The following KLHL32 variants were observed in gnomAD, a reference collection of about 807,000 sequenced individuals.
The protein encoded by KLHL32 is kelch like family member 32.
KLHL32 carries 35 observed loss-of-function variants against 64.8 expected under a neutral mutation model. That is an observed-to-expected ratio of 0.54 (90% confidence interval 0.41 to 0.72). The LOEUF is 0.72. KLHL32 is among the 30% of genes least tolerant of loss of function. The probability of loss-of-function intolerance (pLI) is 0.00; values close to 1 mark genes in which losing one functional copy is unlikely to be tolerated. For missense variants in KLHL32, 589 were observed against 768.5 expected (o/e 0.77, Z 2.76); for synonymous variants, 259 against 281.0 (o/e 0.92, Z 0.78).
At chr6:96,997,467 G>A (rs534389408) in intron 3 of KLHL32, among the ~76,000 whole-genome samples, 2 of 152,094 alleles carry the variant, frequency 1.3e-5, no homozygotes, top group Admixed American at 6.5e-5. Flanking sequence ...CTTGAAGGTG[G>A]CCAGGCATGG....
At chr6:97,105,673 C>T (rs897775733) in intron 6 of KLHL32, among the ~76,000 whole-genome samples, 18 of 151,942 alleles carry the variant, frequency 1.2e-4, no homozygotes, top group African/African-American at 4.3e-4. Context: ...AGGCTATGAG[C>T]AAAAAGACCA....
chr6:97,034,063 G>A (rs1783955244), intron 3 of KLHL32, among the ~76,000 whole-genome samples: 1 of 151,928 alleles, frequency 6.6e-6, no homozygotes, highest in South Asian at 2.1e-4. Context: ...TGCTTTTGTT[G>A]CCAGTAGTTT....
intron 3 of KLHL32, among the ~76,000 whole-genome samples, chr6:96,994,151 G>A (rs2128068557): frequency 6.6e-6 from 1 of 152,266 alleles, no homozygotes; most frequent in East Asian, 1.9e-4. Context: ...AGAAACTCAT[G>A]GAGAATTGTC....
chr6:96,967,919 A>G (rs1774646254), intron 2 of KLHL32, among the ~76,000 whole-genome samples: 1 of 152,192 alleles, frequency 6.6e-6, no homozygotes, highest in Non-Finnish European at 1.5e-5. Context: ...GAGAAAATGC[A>G]TGGCATTCAT....
chr6:97,132,851 C>A, intron 10 of KLHL32, 104 bp downstream of exon 10: 2 of 758,480 alleles, frequency 2.6e-6, no homozygotes, highest in Non-Finnish European at 4.2e-6. Flanking sequence ...TAGAAAGAGG[C>A]TTAACGTCCC....
At chr6:97,134,877 C>T (rs577902677) in intron 10 of KLHL32, among the ~76,000 whole-genome samples, 8 of 152,234 alleles carry the variant, frequency 5.3e-5, no homozygotes, top group East Asian at 1.9e-4. Flanking sequence ...ACTTCGTAGT[C>T]GCATCATTTG....
chr6:97,088,034 T>C (rs905906585), intron 6 of KLHL32, among the ~76,000 whole-genome samples: 4 of 152,156 alleles, frequency 2.6e-5, no homozygotes, highest in African/African-American at 9.7e-5. Context: ...TCTGAGTCTC[T>C]TCTCTCACAG....
chr6:97,063,435 G>A (rs758314653), intron 4 of KLHL32, among the ~76,000 whole-genome samples: 1 of 152,198 alleles, frequency 6.6e-6, no homozygotes, highest in Non-Finnish European at 1.5e-5. Context: ...GGCAGAAGGG[G>A]TTGGGATCAA....
At chr6:97,075,791 A>T (rs1791509639) in intron 5 of KLHL32, among the ~76,000 whole-genome samples, 1 of 152,188 alleles carries the variant, frequency 6.6e-6, no homozygotes, top group Non-Finnish European at 1.5e-5. Flanking sequence ...TGGAATCACA[A>T]CTGGGTATGG....
chr6:97,102,649 A>C (rs1445093965), intron 6 of KLHL32, among the ~76,000 whole-genome samples: 1 of 152,168 alleles, frequency 6.6e-6, no homozygotes, highest in Non-Finnish European at 1.5e-5. Flanking sequence ...AAACCACTGA[A>C]GGGAAATTAT....
the KLHL32 span, among the ~76,000 whole-genome samples, chr6:96,918,808 T>C: frequency 6.6e-6 from 1 of 152,188 alleles, no homozygotes; most frequent in Non-Finnish European, 1.5e-5. Flanking sequence ...CCACTGGAAA[T>C]GTGTTTTGAA....
At chr6:97,036,448 A>G (rs1248081355) in intron 3 of KLHL32, among the ~76,000 whole-genome samples, 2 of 152,122 alleles carry the variant, frequency 1.3e-5, no homozygotes, top group Admixed American at 6.6e-5. Flanking sequence ...GTAGCCTTGC[A>G]TTGGTGTCTG....
intron 6 of KLHL32, among the ~76,000 whole-genome samples, chr6:97,092,501 A>G (rs1023478180): frequency 3.3e-5 from 5 of 152,156 alleles, no homozygotes; most frequent in African/African-American, 7.2e-5. Context: ...GTTTTTTTCT[A>G]CAAATGTGAT....
At chr6:96,993,802 C>A (rs1394902933) in intron 3 of KLHL32, among the ~76,000 whole-genome samples, 2 of 152,108 alleles carry the variant, frequency 1.3e-5, no homozygotes, top group African/African-American at 4.8e-5. Context: ...CTTTTCTGAG[C>A]CCCAATTCCC....
At chr6:96,939,383 T>C (rs1387490906) in intron 1 of KLHL32, among the ~76,000 whole-genome samples, 1 of 152,228 alleles carries the variant, frequency 6.6e-6, no homozygotes, top group African/African-American at 2.4e-5. Flanking sequence ...TTGTCATCTC[T>C]GAGCTGACAC....
intron 8 of KLHL32, among the ~76,000 whole-genome samples, chr6:97,127,838 A>G (rs1003668494): frequency 2.0e-5 from 3 of 152,222 alleles, no homozygotes; most frequent in Non-Finnish European, 4.4e-5. Flanking sequence ...CTAAAACAGT[A>G]TCTAGGACAA....
intron 5 of KLHL32, among the ~76,000 whole-genome samples, chr6:97,084,173 A>T (rs1324653105): frequency 2.6e-5 from 4 of 152,254 alleles, no homozygotes; most frequent in African/African-American, 9.6e-5. Flanking sequence ...TGATAGCATT[A>T]TACATTCCTC....
intron 1 of KLHL32, among the ~76,000 whole-genome samples, chr6:96,954,986 C>T (rs1045825732): frequency 3.3e-5 from 5 of 152,170 alleles, no homozygotes; most frequent in African/African-American, 1.2e-4. Context: ...AAGATGCTGC[C>T]AGATTCAATG....
chr6:97,130,968 G>A lies in KLHL32; in HGVS notation c.1606+19G>A, dbSNP rs1475674670. On this transcript the variant is annotated intron_variant, in intron 9 of 10. Coordinates refer to ENST00000369261, the MANE Select transcript of KLHL32 (RefSeq NM_052904.4). Reference sequence around the variant, plus strand: ...CTGACTGGCAAGTACCTTTGATTAAGTAAATCAGGAAAAGTAGATTCAAGA... The same window carrying A: ...CTGACTGGCAAGTACCTTTGATTAAATAAATCAGGAAAAGTAGATTCAAGA... 9 of 1,598,280 alleles carry A rather than the reference G, an allele frequency of 5.6e-6. No individual in the cohort carries two copies. Among genetic ancestry groups the A allele is most frequent in the South Asian group, 1.1e-5 (1 of 89,218 alleles).
Sources: allele counts gnomAD v4.1 joint callset (sites outside exome capture counted in the v4.1 genomes callset), GRCh38; gene constraint gnomAD v4.1.1; transcripts MANE v1.5; gene names NCBI Gene and HGNC (gene_info 2026-07-23, HGNC 2026-07-21).